ART3: variants seen among roughly 807,000 people sequenced by gnomAD.
The protein encoded by ART3 is ADP-ribosyltransferase 3 (inactive).
ART3 carries 49 observed loss-of-function variants against 48.5 expected under a neutral mutation model. The ratio of observed to expected loss-of-function variants is 1.01; its 90% CI spans 0.80 to 1.28. The LOEUF is 1.28. ART3 is among the 50% of genes most tolerant of loss of function. The pLI is 0.00. For missense variants in ART3, 438 were observed against 454.3 expected (o/e 0.96, Z 0.33); for synonymous variants, 145 against 157.2 (o/e 0.92, Z 0.58).
chr4:76,082,817 G>A (rs1214321633), intron 3 of ART3, among the ~76,000 whole-genome samples: 1 of 152,086 alleles, frequency 6.6e-6, no homozygotes, highest in Non-Finnish European at 1.5e-5. Flanking sequence ...AACATTTTTG[G>A]TTGTCACAGT....
chr4:76,108,362 T>TATC (rs35738008), intron 11 of ART3, among the ~76,000 whole-genome samples: 55,798 of 151,748 alleles, frequency 0.37, 13,403 homozygotes, highest in African/African-American at 0.67. Flanking sequence ...GTTTAATGTT[T>TATC]ATCAAAACTA....
intron 1 of ART3, among the ~76,000 whole-genome samples, chr4:76,014,265 T>A (rs1373088056): frequency 6.6e-6 from 1 of 151,822 alleles, no homozygotes; most frequent in East Asian, 1.9e-4. Flanking sequence ...CTGTCTTAAA[T>A]ATACTCAAAG....
chr4:76,097,563 T>C (rs776052015), intron 3 of ART3, 81 bp from the exon 4 acceptor site: 15 of 1,217,134 alleles, frequency 1.2e-5, no homozygotes, highest in Non-Finnish European at 1.8e-5. Flanking sequence ...ACAGATTAGG[T>C]TACCAACAGC....
At chr4:76,084,874 G>C (rs1195823065) in intron 3 of ART3, among the ~76,000 whole-genome samples, 1 of 152,194 alleles carries the variant, frequency 6.6e-6, no homozygotes, top group African/African-American at 2.4e-5. Flanking sequence ...GACATACCCA[G>C]GTGTTCTTCT....
chr4:76,104,257 G>A, intron 9 of ART3: 1 of 782,152 alleles, frequency 1.3e-6, no homozygotes, highest in Non-Finnish European at 1.6e-6. Context: ...ACACCTTCCA[G>A]GTTCTACAGC....
At position 76,066,633 on chromosome 4, in the gene ART3, C is replaced by G. The variant is rs140925092; in HGVS notation, c.-9-9248C>G. Among the ~76,000 whole-genome samples the G allele has an allele frequency of 1.4e-3, 207 of 152,160 alleles. 3 individuals carry two copies. In the East Asian group the frequency reaches 0.034, roughly 25 times the overall value. On this transcript the variant is annotated intron_variant, in intron 1 of 9. Transcript: ENST00000341029. ...GCTGAGCCCGGCTATTTATGGACCT[C>G]AGAGGGGAGGAAGTGCACACTGGTT...
intron 1 of ART3, among the ~76,000 whole-genome samples, chr4:76,053,875 T>C (rs1448981813): frequency 6.6e-6 from 1 of 152,224 alleles, no homozygotes; most frequent in Non-Finnish European, 1.5e-5. Context: ...AGAAATCATG[T>C]TTCTCACAAC....
At chr4:76,050,174 C>A (rs1735917372) in intron 1 of ART3, among the ~76,000 whole-genome samples, 1 of 152,052 alleles carries the variant, frequency 6.6e-6, no homozygotes, top group African/African-American at 2.4e-5. Flanking sequence ...AACAAAGCTT[C>A]CACAGTGTGG....
chr4:76,025,536 A>G (rs1022173273), intron 1 of ART3, among the ~76,000 whole-genome samples: 6 of 152,216 alleles, frequency 3.9e-5, no homozygotes, highest in Non-Finnish European at 7.3e-5. Context: ...ACTATTGACC[A>G]TATTGACTCA....
At chr4:76,025,548 T>C (rs1225574747) in intron 1 of ART3, among the ~76,000 whole-genome samples, 1 of 152,238 alleles carries the variant, frequency 6.6e-6, no homozygotes, top group African/African-American at 2.4e-5. Flanking sequence ...ATTGACTCAT[T>C]TTATTCTTAT....
upstream of ART3, among the ~76,000 whole-genome samples, chr4:76,070,663 T>A (rs1200384941): frequency 6.6e-6 from 1 of 152,204 alleles, no homozygotes; most frequent in East Asian, 1.9e-4. Context: ...AGGTAGCCCC[T>A]TAATGCAGCC....
chr4:76,111,182 T>C (rs1729405238), intron 11 of ART3, among the ~76,000 whole-genome samples: 2 of 152,192 alleles, frequency 1.3e-5, no homozygotes, highest in South Asian at 4.1e-4. Context: ...GGAGTTCATC[T>C]CCAGTAAATT....
At chr4:76,024,254 GT>G (rs966369528) in intron 1 of ART3, among the ~76,000 whole-genome samples, 49 of 152,184 alleles carry the variant, frequency 3.2e-4, no homozygotes, top group Middle Eastern at 6.8e-3. Flanking sequence ...TAGGGTTATT[GT>G]AAAAAACAAA....
intron 1 of ART3, among the ~76,000 whole-genome samples, chr4:76,013,742 C>G (rs929278625): frequency 4.6e-5 from 7 of 152,172 alleles, no homozygotes; most frequent in African/African-American, 1.7e-4. Flanking sequence ...GATTGCTTGC[C>G]AGAAAGATTG....
intron 1 of ART3, among the ~76,000 whole-genome samples, chr4:76,062,559 C>CTTTTTTTTTTTTTT (rs34383642): frequency 8.8e-6 from 1 of 113,052 alleles, no homozygotes; most frequent in Admixed American, 1.1e-4. Flanking sequence ...AAAAATAAAT[C>CTTTTTTTTTTTTTT]TTTTTTTTTT....
At chr4:76,054,608 G>A (rs1718497371) in intron 1 of ART3, among the ~76,000 whole-genome samples, 1 of 152,142 alleles carries the variant, frequency 6.6e-6, no homozygotes, top group African/African-American at 2.4e-5. Context: ...GAAACAGGAG[G>A]ATCACTTGAG....
intron 1 of ART3, among the ~76,000 whole-genome samples, chr4:76,053,729 G>C (rs1414612315): frequency 6.6e-6 from 1 of 152,172 alleles, no homozygotes; most frequent in Non-Finnish European, 1.5e-5. Flanking sequence ...ATCAAGTTCT[G>C]CCAGCTCATT....
In ART3 at chr4:76,064,920, C is replaced by T. The variant is rs367726679; in HGVS notation, c.-9-10961C>T. Among the ~76,000 whole-genome samples, 24 of 152,176 alleles carry T rather than the reference C, an allele frequency of 1.6e-4. No homozygotes were observed. The East Asian group carries it at 3.1e-3, about 20-fold the overall frequency. Reference sequence around the variant, plus strand: ...GATCATGGGTCACAGCAACCTCCACCTTCCAGGTTCAAGCGATTCTCCTGC... The same window carrying T: ...GATCATGGGTCACAGCAACCTCCACTTTCCAGGTTCAAGCGATTCTCCTGC... On this transcript the variant is annotated intron_variant, in intron 1 of 9. Coordinates refer to the ART3 transcript ENST00000341029.
In ART3 at chr4:76,112,469, G is replaced by A; in HGVS notation, c.1120G>A (p.Val374Ile). 8.1e-6 allele frequency: 13 copies of A among 1,614,030 alleles called. No individual in the cohort carries two copies. Among genetic ancestry groups the A allele is most frequent in the Non-Finnish European group, 1.0e-5 (12 of 1,179,984 alleles). ...GKLLLPQFGM[V>I]IILISVSAIN... ...ACTGCTGCTTCCACAGTTTGGGATG[G>A]TCATCATTTTAATCAGTGTTTCTGC... Residue 374 changes from valine (V) to isoleucine (I), a missense_variant, in exon 12 of 12, where the codon GTC becomes ATC. This residue lies in a region of ART3 where 227 missense variants were observed against 229.6 expected (regional missense o/e 0.99). Transcript: ENST00000355810.
Sources: allele counts gnomAD v4.1 joint callset (sites outside exome capture counted in the v4.1 genomes callset), GRCh38; gene constraint gnomAD v4.1.1; regional missense constraint gnomAD v4.1.1; transcripts MANE v1.5; gene names NCBI Gene and HGNC (gene_info 2026-07-23, HGNC 2026-07-21).